Variants in HEXA observed in about 807,000 individuals in gnomAD.
The protein encoded by HEXA is hexosaminidase subunit alpha.
HEXA carries 54 observed loss-of-function variants against 73.3 expected under a neutral mutation model. That is an observed-to-expected ratio of 0.74 (90% CI 0.59 to 0.92). The LOEUF is 0.92. Ranked by LOEUF, HEXA falls within the 40% of genes least tolerant of loss-of-function variation. The probability of loss-of-function intolerance (pLI) is 0.00; values close to 1 mark genes in which losing one functional copy is unlikely to be tolerated. For missense variants in HEXA, 649 were observed against 653.0 expected, an observed-to-expected ratio of 0.99 and a Z score of 0.07; for synonymous variants, 230 against 246.9, an observed-to-expected ratio of 0.93 and a Z score of 0.64.
At chr15:72,367,516 C>T (rs2088933366) in intron 1 of HEXA, among the ~76,000 whole-genome samples, 1 of 152,192 alleles carries the variant, frequency 6.6e-6, no homozygotes, top group Non-Finnish European at 1.5e-5. Flanking sequence ...AGCCTTTTAA[C>T]TGGGTTTCCT....
Position 72,351,217 on chromosome 15 carries a change from A to G in HEXA, c.588T>C (p.Asn196=). ...ILDTLDVMAY[N]KLNVFHWHLV... is the part of the protein sequence containing the mutation. ...GATGCCAGTGGAACACGTTCAATTT[A>G]TTGTACGCCATGACATCCTGTAGGT... The change falls in exon 6 of 14, where the codon AAT becomes AAC. Residue 196 remains asparagine (N), a synonymous_variant. Transcript: ENST00000268097. 1 of 1,609,540 alleles carries G rather than the reference A, an allele frequency of 6.2e-7. No individual in the cohort carries two copies. The highest frequency in any genetic ancestry group is 2.2e-5 in the East Asian group (1 of 44,860).
chr15:72,355,823 G>A (rs758972098), intron 2 of HEXA, 199 bp from the exon 3 acceptor site: 17 of 619,050 alleles, frequency 2.7e-5, no homozygotes, highest in Admixed American at 4.3e-5. Context: ...GTGGGAGGGT[G>A]GTCACCACAG....
intron 3 of HEXA, chr15:72,354,009 T>G (rs760921533): frequency 3.3e-4 from 180 of 545,812 alleles, no homozygotes; most frequent in Non-Finnish European, 5.1e-4. Context: ...CACATACCTC[T>G]TATCTATATT....
At chr15:72,361,071 G>A (rs2088847126) in intron 1 of HEXA, among the ~76,000 whole-genome samples, 1 of 152,110 alleles carries the variant, frequency 6.6e-6, no homozygotes, top group East Asian at 1.9e-4. Flanking sequence ...AAATTCAAGG[G>A]ACTCTTTTCA....
rs1407716435 is a variant in HEXA at position 72,341,355 on chromosome 15, G to A, written c.*2722C>T. 1.3e-5 allele frequency: 2 copies of A among 152,148 alleles called. No individual in the cohort carries two copies. The highest frequency in any genetic ancestry group is 3.9e-4 in the East Asian group (2 of 5,178). The allele number at this position is 152,148 out of a possible 1,614,324, so 9.4% of individuals were successfully genotyped here. ...AGCACCTGAAAACACCAGTGACCTA[G>A]CTTTATTAGATTCCTCGAAGGGAAG... On this transcript the variant is annotated 3_prime_UTR_variant, in exon 14 of 14. Coordinates refer to ENST00000268097, the MANE Select transcript of HEXA (RefSeq NM_000520.6).
chr15:72,352,746 C>T (rs1595801506), intron 5 of HEXA, among the ~76,000 whole-genome samples: 2 of 152,138 alleles, frequency 1.3e-5, no homozygotes, highest in African/African-American at 2.4e-5. Flanking sequence ...CCACTGCAAC[C>T]TCTGCCTCCT....
chr15:72,345,297 A>T, intron 13 of HEXA, 149 bp downstream of exon 13: 1 of 1,454,738 alleles, frequency 6.9e-7, no homozygotes, highest in Non-Finnish European at 9.2e-7. Flanking sequence ...AATACTTTTT[A>T]TCGCAGTTGG....
In HEXA at chr15:72,349,207, G is replaced by A. The variant is rs748958444; in HGVS notation, c.858C>T (p.Thr286=). The A allele has an allele frequency of 4.3e-6, 7 of 1,614,036 alleles. No individual in the cohort carries two copies. The highest frequency in any genetic ancestry group is 1.3e-5 in the African/African-American group (1 of 75,036). The change falls in exon 8 of 14, where the codon ACC becomes ACT. Residue 286 remains threonine, a synonymous_variant. Transcript: ENST00000268097. ...TGAGACTGGGATTCACTGGTCCAAA[G>A]GTGCCAGAGGGCTCAGACCCAGAGT... The part of the protein sequence containing the change: ...PCYSGSEPSG[T]FGPVNPSLNN...
chr15:72,349,438 G>A (rs959196864), intron 7 of HEXA, among the ~76,000 whole-genome samples, 179 bp from the exon 8 acceptor site: 2 of 152,236 alleles, frequency 1.3e-5, no homozygotes, highest in Non-Finnish European at 2.9e-5. Context: ...TTTAGTCACA[G>A]TAAAAAGATA....
At chr15:72,361,254 T>A (rs559396624) in intron 1 of HEXA, among the ~76,000 whole-genome samples, 1 of 152,196 alleles carries the variant, frequency 6.6e-6, no homozygotes. Context: ...ATCTCTGACC[T>A]TCTTGAAACT....
At chr15:72,368,948 G>T (rs1451582277) in intron 1 of HEXA, among the ~76,000 whole-genome samples, 1 of 152,140 alleles carries the variant, frequency 6.6e-6, no homozygotes, top group African/African-American at 2.4e-5. Context: ...TCAATCCCAA[G>T]AGCTTTACAA....
chr15:72,362,611 G>T (rs973816354), intron 1 of HEXA: 15 of 403,964 alleles, frequency 3.7e-5, no homozygotes, highest in Non-Finnish European at 2.5e-5. Flanking sequence ...TGAGACTGGG[G>T]TGGGCGATGC....
At chr15:72,360,088 T>C (rs1298039078) in intron 1 of HEXA, 8 of 152,772 alleles carry the variant, frequency 5.2e-5, no homozygotes, top group African/African-American at 1.9e-4. Context: ...TCAAACGCAA[T>C]CTAGCCAATA....
Position 72,347,765 on chromosome 15 carries a change from A to G in HEXA, c.1074-7T>C, listed in dbSNP as rs2140321912. 6.2e-7 allele frequency: 1 copy of G among 1,613,664 alleles called. No homozygotes were observed. The highest frequency in any genetic ancestry group is 1.1e-5 in the South Asian group (1 of 91,072). The stretch of plus-strand genomic sequence containing the variant: ...AGAGACGATGTCCAGCAGCCTGGAG[A>G]GGAGAGGAGTGTCTAGTAAGTGTCT... On this transcript the variant is annotated splice_region_variant and splice_polypyrimidine_tract_variant and intron_variant, in intron 9 of 13. Coordinates refer to ENST00000268097, the MANE Select transcript of HEXA (RefSeq NM_000520.6).
intron 1 of HEXA, among the ~76,000 whole-genome samples, chr15:72,372,627 A>G (rs913770462): frequency 6.6e-6 from 1 of 152,096 alleles, no homozygotes; most frequent in Non-Finnish European, 1.5e-5. Context: ...TGCAACACAC[A>G]CCCTCCAATT....
intron 7 of HEXA, 126 bp from the exon 8 acceptor site, chr15:72,349,385 G>A (rs1448432010): frequency 3.8e-6 from 3 of 788,506 alleles, no homozygotes; most frequent in Non-Finnish European, 6.7e-6. Context: ...ACACATTTAG[G>A]TAGGCACACT....
At chr15:72,352,964 C>T (rs2088719921) in intron 5 of HEXA, 104 bp downstream of exon 5, 1 of 751,870 alleles carries the variant, frequency 1.3e-6, no homozygotes, top group Non-Finnish European at 2.4e-6. Flanking sequence ...ACACCCAGTC[C>T]ATACATTCCC....
chr15:72,353,779 GA>G, intron 3 of HEXA, 42 bp from the exon 4 acceptor site: 2 of 1,409,784 alleles, frequency 1.4e-6, no homozygotes, highest in Non-Finnish European at 2.0e-6. Flanking sequence ...TCAGGGAGTG[GA>G]AAAAGAGATG....
rs958966627 is a variant in HEXA, at chr15:72,343,183, T to C, written c.*894A>G. ...TTGCAGTGAGTCGAGATCGTGCCAC[T>C]GCACTCCAGCCTGTGTGACAGTGAG... On this transcript the variant is annotated 3_prime_UTR_variant, in exon 14 of 14. Coordinates refer to ENST00000268097, the MANE Select transcript of HEXA (RefSeq NM_000520.6). 1.3e-5 allele frequency: 2 copies of C among 152,124 alleles called. No homozygotes were observed. Among genetic ancestry groups the C allele is most frequent in the Non-Finnish European group, 2.9e-5 (2 of 68,058 alleles). 9.4% of individuals were successfully genotyped at this position (152,124 alleles called of 1,614,324 possible).
Sources: allele counts gnomAD v4.1 joint callset (sites outside exome capture counted in the v4.1 genomes callset), GRCh38; gene constraint gnomAD v4.1.1; transcripts MANE v1.5; gene names NCBI Gene and HGNC (gene_info 2026-07-23, HGNC 2026-07-21).